Variants in PSMD1 observed in about 807,000 individuals in gnomAD.
PSMD1 encodes proteasome 26S subunit, non-ATPase 1.
PSMD1 carries 18 observed loss-of-function variants against 119.0 expected under a neutral mutation model. The ratio of observed to expected loss-of-function variants is 0.15; its 90% CI spans 0.10 to 0.22. The LOEUF (loss-of-function observed/expected upper bound fraction) is 0.22. Among genes scored for constraint, PSMD1 ranks in the 10% least tolerant of loss-of-function variants. The probability of loss-of-function intolerance (pLI) is 1.00; values close to 1 mark genes in which losing one functional copy is unlikely to be tolerated. For synonymous variants in PSMD1, 374 were observed against 396.6 expected, an observed-to-expected ratio of 0.94 and a Z score of 0.68; for missense variants, 702 against 1,158.5, an observed-to-expected ratio of 0.61 and a Z score of 5.72.
At position 231,056,940 on chromosome 2, in the gene PSMD1, C is replaced by T; in HGVS notation, c.-86C>T. The stretch of plus-strand genomic sequence containing the variant: ...AGCGCACCCGGGGAGCAAGGAGGCG[C>T]GGTGAACTGAGCGGCCCCTGAGCTG... On this transcript the variant is annotated 5_prime_UTR_variant, in exon 1 of 25. Coordinates refer to ENST00000308696, the MANE Select transcript of PSMD1 (RefSeq NM_002807.4). 2.6e-6 allele frequency: 4 copies of T among 1,513,446 alleles called. No homozygotes were observed. Among genetic ancestry groups the T allele is most frequent in the Admixed American group, 2.0e-5 (1 of 50,554 alleles). The allele number at this position is 1,513,446 out of a possible 1,614,324, so 93.8% of individuals were successfully genotyped here. A position where few individuals can be genotyped will look rare whatever the true frequency, so the allele number is the denominator to read the frequency against.
intron 16 of PSMD1, among the ~76,000 whole-genome samples, chr2:231,115,859 T>C (rs900148229): frequency 1.3e-5 from 2 of 152,176 alleles, no homozygotes; most frequent in African/African-American, 4.8e-5. Context: ...GGGTCTCATC[T>C]CAGACCTACT....
intron 16 of PSMD1, among the ~76,000 whole-genome samples, chr2:231,121,728 A>G (rs1695549688): frequency 6.6e-6 from 1 of 152,188 alleles, no homozygotes; most frequent in African/African-American, 2.4e-5. Flanking sequence ...AGTATCTACC[A>G]TGGTACTTTG....
chr2:231,087,266 A>C, intron 16 of PSMD1, 85 bp downstream of exon 16: 1 of 1,180,240 alleles, frequency 8.5e-7, no homozygotes, highest in Non-Finnish European at 1.2e-6. Context: ...CAAACAGTTT[A>C]GTCACTAAAC....
At chr2:231,120,254 C>T (rs1695492181) in intron 16 of PSMD1, among the ~76,000 whole-genome samples, 1 of 152,142 alleles carries the variant, frequency 6.6e-6, no homozygotes, top group Non-Finnish European at 1.5e-5. Context: ...GCCCAGCCTC[C>T]CCTGTTACTT....
intron 20 of PSMD1, 83 bp downstream of exon 20, chr2:231,161,592 C>T (rs1696641012): frequency 1.5e-6 from 2 of 1,374,778 alleles, no homozygotes; most frequent in South Asian, 2.8e-5. Flanking sequence ...CAAGGATTTC[C>T]ATTAAATTTT....
intron 2 of PSMD1, among the ~76,000 whole-genome samples, chr2:231,061,917 T>TG (rs1301467034): frequency 2.6e-5 from 4 of 152,242 alleles, no homozygotes; most frequent in African/African-American, 9.6e-5. Flanking sequence ...AAAAAGTTGT[T>TG]GCTTCTGTTT....
rs951602248 is a variant in PSMD1 at position 231,148,877 on chromosome 2, C to T, written c.2115+2521C>T. On this transcript the variant is annotated intron_variant, in intron 18 of 24. Coordinates refer to ENST00000308696, the MANE Select transcript of PSMD1 (RefSeq NM_002807.4). ...ACAGCATGTTGCCAAAAAGAAAAAT[C>T]TGTTGAGAAACTCTGAAGGGGAGTA... is the stretch of plus-strand genomic sequence containing the variant. Among the ~76,000 whole-genome samples, 20 of 152,268 alleles carry T rather than the reference C, an allele frequency of 1.3e-4. 1 individual carries two copies. Among genetic ancestry groups the T allele is most frequent in the African/African-American group, 3.9e-4 (16 of 41,548 alleles).
chr2:231,128,384 G>A (rs1695775742), intron 16 of PSMD1, among the ~76,000 whole-genome samples: 1 of 152,168 alleles, frequency 6.6e-6, no homozygotes, highest in South Asian at 2.1e-4. Flanking sequence ...ATATTTCTCA[G>A]CTTTCTTTTT....
intron 16 of PSMD1, among the ~76,000 whole-genome samples, chr2:231,093,773 GT>G (rs1400391617): frequency 6.6e-6 from 1 of 151,228 alleles, no homozygotes; most frequent in Non-Finnish European, 1.5e-5. Context: ...CCCCTTTTTT[GT>G]TTTTTTGAGC....
intron 3 of PSMD1, 80 bp downstream of exon 3, chr2:231,062,401 T>C: frequency 6.6e-7 from 1 of 1,517,096 alleles, no homozygotes. Context: ...TATTGATTCA[T>C]TTAGAAATTT....
At chr2:231,098,777 T>G (rs901751600) in intron 16 of PSMD1, among the ~76,000 whole-genome samples, 5 of 152,172 alleles carry the variant, frequency 3.3e-5, no homozygotes, top group African/African-American at 1.2e-4. Context: ...GGTCTGCCAT[T>G]CCGTAAAGGT....
intron 16 of PSMD1, among the ~76,000 whole-genome samples, chr2:231,089,368 G>A (rs911692295): frequency 3.9e-5 from 6 of 152,148 alleles, no homozygotes; most frequent in African/African-American, 1.4e-4. Context: ...GCCTAGAGAG[G>A]AGAAGTCAAT....
intron 1 of PSMD1, among the ~76,000 whole-genome samples, chr2:231,058,549 A>G (rs187953895): frequency 1.8e-4 from 26 of 147,566 alleles, no homozygotes; most frequent in Non-Finnish European, 3.6e-4. Context: ...CTCATTAGCT[A>G]TCATTAGTGT....
At chr2:231,139,515 G>C (rs1013935700) in intron 17 of PSMD1, among the ~76,000 whole-genome samples, 1 of 140,170 alleles carries the variant, frequency 7.1e-6, no homozygotes, top group African/African-American at 2.7e-5. Context: ...CCACAGTGCT[G>C]AGATTACAGG....
At chr2:231,108,276 A>G (rs1433925307) in intron 16 of PSMD1, 21 of 412,580 alleles carry the variant, frequency 5.1e-5, no homozygotes, top group Non-Finnish European at 9.0e-5. Flanking sequence ...ATTTCATTCG[A>G]ATACCTTAAA....
chr2:231,057,766 C>T (rs1019541320), intron 1 of PSMD1, among the ~76,000 whole-genome samples: 5 of 152,248 alleles, frequency 3.3e-5, no homozygotes, highest in African/African-American at 4.8e-5. Flanking sequence ...GGTAGATTCA[C>T]GTAGTGACAT....
intron 16 of PSMD1, among the ~76,000 whole-genome samples, chr2:231,104,527 G>A (rs986285874): frequency 2.0e-5 from 3 of 149,902 alleles, no homozygotes; most frequent in Non-Finnish European, 4.4e-5. Flanking sequence ...TAAAGAGCTG[G>A]AGTTAAAAAT....
chr2:231,154,179 C>G (rs1425739339), intron 19 of PSMD1, among the ~76,000 whole-genome samples: 1 of 151,986 alleles, frequency 6.6e-6, no homozygotes, highest in African/African-American at 2.4e-5. Flanking sequence ...TGTCTGTAAT[C>G]CCAGCACTTT....
At position 231,056,937 on chromosome 2, in the gene PSMD1, G is replaced by A; in HGVS notation, c.-89G>A. On this transcript the variant is annotated 5_prime_UTR_variant, in exon 1 of 25. Coordinates refer to ENST00000308696, the MANE Select transcript of PSMD1 (RefSeq NM_002807.4). ...AGCAGCGCACCCGGGGAGCAAGGAG[G>A]CGCGGTGAACTGAGCGGCCCCTGAG... 6.6e-7 allele frequency: 1 copy of A among 1,508,986 alleles called. No homozygotes were observed. The highest frequency in any genetic ancestry group is 2.0e-5 in the Admixed American group (1 of 50,508). The allele number at this position is 1,508,986 out of a possible 1,614,324, so 93.5% of individuals were successfully genotyped here. A position where few individuals can be genotyped will look rare whatever the true frequency, so the allele number is the denominator to read the frequency against.
Sources: allele counts gnomAD v4.1 joint callset (sites outside exome capture counted in the v4.1 genomes callset), GRCh38; gene constraint gnomAD v4.1.1; transcripts MANE v1.5; gene names NCBI Gene and HGNC (gene_info 2026-07-23, HGNC 2026-07-21).